The following PCDH15 variants were observed in gnomAD, a reference collection of about 807,000 sequenced individuals.
The protein encoded by PCDH15 is protocadherin-15.
A neutral mutation model predicts 178.5 loss-of-function variants in PCDH15; 129 were observed. That is an observed-to-expected ratio of 0.72 (90% confidence interval 0.63 to 0.84). The LOEUF (loss-of-function observed/expected upper bound fraction) is 0.84, where lower values mean the gene tolerates loss of function less well. Ranked by LOEUF, PCDH15 falls within the 40% of genes least tolerant of loss-of-function variation. PCDH15 has a pLI of 0.00. For missense variants in PCDH15, 2,230 were observed against 2,099.9 expected (o/e 1.06, Z -1.21); for synonymous variants, 800 against 732.0 (o/e 1.09, Z -1.50).
chr10:53,843,595 T>C (rs569069970), intron 28 of PCDH15, among the ~76,000 whole-genome samples: 1 of 152,214 alleles, frequency 6.6e-6, no homozygotes, highest in South Asian at 2.1e-4. Context: ...TCATATATTA[T>C]ATTGCTTATA....
chr10:54,926,410 T>TTTG (rs1185909302), intron 2 of PCDH15, among the ~76,000 whole-genome samples: 1 of 151,832 alleles, frequency 6.6e-6, no homozygotes, highest in African/African-American at 2.4e-5. Flanking sequence ...CTGAAGTTTT[T>TTTG]TTGTTGTTGT....
chr10:54,075,627 T>C (rs2094328314), intron 17 of PCDH15, among the ~76,000 whole-genome samples: 2 of 152,180 alleles, frequency 1.3e-5, no homozygotes, highest in South Asian at 2.1e-4. Context: ...AAGAGTTCTA[T>C]AGACTCAGTT....
intron 27 of PCDH15, among the ~76,000 whole-genome samples, chr10:53,866,191 T>C (rs923918465): frequency 6.6e-6 from 1 of 152,108 alleles, no homozygotes; most frequent in Non-Finnish European, 1.5e-5. Context: ...TCCCCAAACA[T>C]TTTCTTTGTT....
intron 2 of PCDH15, among the ~76,000 whole-genome samples, chr10:55,121,965 A>G (rs1837784280): frequency 6.6e-6 from 1 of 152,138 alleles, no homozygotes; most frequent in Admixed American, 6.5e-5. Flanking sequence ...TTATAGCAGC[A>G]GAAACAGACT....
chr10:54,757,050 A>C (rs908001574), intron 1 of PCDH15, among the ~76,000 whole-genome samples: 5 of 152,136 alleles, frequency 3.3e-5, no homozygotes, highest in African/African-American at 1.2e-4. Flanking sequence ...ATGATAGTAA[A>C]TGTCTTTTGA....
chr10:54,540,121 A>G (rs1007629459), intron 2 of PCDH15, among the ~76,000 whole-genome samples: 1 of 152,150 alleles, frequency 6.6e-6, no homozygotes, highest in African/African-American at 2.4e-5. Context: ...CTAACTCAAA[A>G]GCTACCTGAA....
chr10:55,065,513 C>A (rs968932525), intron 2 of PCDH15, among the ~76,000 whole-genome samples: 2 of 152,002 alleles, frequency 1.3e-5, no homozygotes, highest in Non-Finnish European at 2.9e-5. Context: ...AAAACACATA[C>A]TGTTGGCTTA....
chr10:54,536,436 A>G (rs761460236), intron 2 of PCDH15, among the ~76,000 whole-genome samples: 1 of 152,162 alleles, frequency 6.6e-6, no homozygotes, highest in Non-Finnish European at 1.5e-5. Flanking sequence ...CATTCAAAGG[A>G]AAACCACATT....
chr10:55,533,270 A>G (rs2132065923), intron 2 of PCDH15, among the ~76,000 whole-genome samples: 1 of 152,176 alleles, frequency 6.6e-6, no homozygotes, highest in East Asian at 1.9e-4. Context: ...CCAAATAGAA[A>G]GTTCTCTTCT....
chr10:55,392,634 G>A (rs1837823121), intron 2 of PCDH15, among the ~76,000 whole-genome samples: 2 of 152,020 alleles, frequency 1.3e-5, no homozygotes, highest in Non-Finnish European at 2.9e-5. Context: ...ATTTACATAT[G>A]AGCAGATAGT....
At chr10:54,908,392 G>A (rs1263906452) in intron 2 of PCDH15, among the ~76,000 whole-genome samples, 1 of 152,108 alleles carries the variant, frequency 6.6e-6, no homozygotes, top group African/African-American at 2.4e-5. Flanking sequence ...GCAGTGTGGT[G>A]CCAGAAACTT....
intron 2 of PCDH15, among the ~76,000 whole-genome samples, chr10:55,595,108 T>C (rs1206658722): frequency 6.6e-6 from 1 of 152,100 alleles, no homozygotes; most frequent in African/African-American, 2.4e-5. Flanking sequence ...TAATTTTGTA[T>C]GCTACGATAA....
chr10:55,330,098 A>T (rs1408187229), intron 2 of PCDH15, among the ~76,000 whole-genome samples: 1 of 151,882 alleles, frequency 6.6e-6, no homozygotes. Flanking sequence ...ATATAATTTA[A>T]AACTCTTAGT....
chr10:54,191,025 T>C (rs2048940244), intron 11 of PCDH15, among the ~76,000 whole-genome samples: 1 of 152,172 alleles, frequency 6.6e-6, no homozygotes, highest in Non-Finnish European at 1.5e-5. Flanking sequence ...TGTTCAAACA[T>C]GGGATAGGCC....
chr10:53,832,311 A>G (rs1321671224), intron 29 of PCDH15, among the ~76,000 whole-genome samples: 2 of 151,968 alleles, frequency 1.3e-5, no homozygotes, highest in African/African-American at 4.8e-5. Context: ...ATCTTATGAG[A>G]TTGAAAAAAT....
At chr10:54,242,368 A>G (rs1461727260) in intron 8 of PCDH15, among the ~76,000 whole-genome samples, 1 of 151,390 alleles carries the variant, frequency 6.6e-6, no homozygotes, top group Admixed American at 6.6e-5. Context: ...GATTTCAGAG[A>G]TTGGATACAT....
chr10:55,551,835 A>G (rs908079418), intron 2 of PCDH15, among the ~76,000 whole-genome samples: 2 of 151,824 alleles, frequency 1.3e-5, no homozygotes, highest in African/African-American at 4.8e-5. Flanking sequence ...AAAGCTATTC[A>G]TAAATGTTGA....
intron 29 of PCDH15, among the ~76,000 whole-genome samples, chr10:53,834,738 G>A (rs2077208030): frequency 6.6e-6 from 1 of 152,092 alleles, no homozygotes; most frequent in Non-Finnish European, 1.5e-5. Flanking sequence ...TGCCTCCATT[G>A]ATGGATATGG....
chr10:55,176,081 C>T (rs1225939605), intron 1 of PCDH15, among the ~76,000 whole-genome samples: 1 of 152,054 alleles, frequency 6.6e-6, no homozygotes, highest in Non-Finnish European at 1.5e-5. Flanking sequence ...CTCAGACCAC[C>T]ATTACCATCC....
Sources: gnomAD v4.1 joint callset for allele counts (sites outside exome capture counted in the v4.1 genomes callset) on GRCh38, gnomAD v4.1.1 for gene constraint, MANE v1.5 for transcripts, NCBI Gene and HGNC (gene_info 2026-07-23, HGNC 2026-07-21) for gene names.